The following METTL15 variants were observed in gnomAD, a reference collection of about 807,000 sequenced individuals.
The protein encoded by METTL15 is 12S rRNA N(4)-cytidine methyltransferase METTL15.
Under a neutral mutation model 38.3 loss-of-function variants are expected in METTL15, and 34 were observed. That is an observed-to-expected ratio of 0.89 (90% CI 0.68 to 1.18). The LOEUF (loss-of-function observed/expected upper bound fraction) is 1.18, where lower values mean the gene tolerates loss of function less well. Among genes scored for constraint, METTL15 ranks in the 50% most tolerant of loss-of-function variants. The pLI, the probability that METTL15 is intolerant of heterozygous loss-of-function variation, is 0.00. For synonymous variants in METTL15, 162 were observed against 170.9 expected, an observed-to-expected ratio of 0.95 and a Z score of 0.41; for missense variants, 438 against 498.4, an observed-to-expected ratio of 0.88 and a Z score of 1.15.
chr11:28,222,260 C>T (rs994763204), intron 4 of METTL15, among the ~76,000 whole-genome samples: 1 of 152,294 alleles, frequency 6.6e-6, no homozygotes, highest in Admixed American at 6.5e-5. Context: ...TGGCGGGCGC[C>T]CCTCCCCCAG....
chr11:28,452,251 CATT>C (rs1471439937), intron 6 of METTL15, among the ~76,000 whole-genome samples: 2 of 152,194 alleles, frequency 1.3e-5, no homozygotes, highest in African/African-American at 2.4e-5. Flanking sequence ...CTGAAAGAAA[CATT>C]ATATTCTGGT....
At chr11:28,204,077 AC>A (rs1025345457) in intron 3 of METTL15, among the ~76,000 whole-genome samples, 4 of 152,046 alleles carry the variant, frequency 2.6e-5, no homozygotes, top group African/African-American at 9.7e-5. Flanking sequence ...TAACATAGTT[AC>A]CTTGGGAGGC....
intron 4 of METTL15, among the ~76,000 whole-genome samples, chr11:28,245,495 A>G: frequency 6.6e-6 from 1 of 152,162 alleles, no homozygotes; most frequent in East Asian, 1.9e-4. Context: ...GATCATGAAA[A>G]AAAAAGTATC....
intron 4 of METTL15, among the ~76,000 whole-genome samples, chr11:28,216,950 C>T (rs572565506): frequency 0.014 from 2,142 of 151,952 alleles, 24 homozygotes; most frequent in African/African-American, 0.039. Context: ...TTTTCTTAAT[C>T]CAGTCTATCA....
intron 6 of METTL15, among the ~76,000 whole-genome samples, chr11:28,476,550 G>T (rs1590387916): frequency 6.6e-6 from 1 of 152,168 alleles, no homozygotes; most frequent in South Asian, 2.1e-4. Context: ...GACCTTAGAG[G>T]CTTATTTATT....
chr11:28,445,234 T>G (rs1380718944), intron 6 of METTL15, among the ~76,000 whole-genome samples: 1 of 152,192 alleles, frequency 6.6e-6, no homozygotes, highest in Non-Finnish European at 1.5e-5. Flanking sequence ...TTGAAATCAT[T>G]TCTAATGTAT....
chr11:28,466,729 A>C (rs1160742146), intron 6 of METTL15, among the ~76,000 whole-genome samples: 1 of 151,846 alleles, frequency 6.6e-6, no homozygotes, highest in Non-Finnish European at 1.5e-5. Flanking sequence ...GCAAATTGTT[A>C]CTCCTCTGCT....
intron 6 of METTL15, among the ~76,000 whole-genome samples, chr11:28,318,364 T>TA (rs1849343415): frequency 6.6e-6 from 1 of 151,872 alleles, no homozygotes; most frequent in African/African-American, 2.4e-5. Context: ...ATAATTTGAT[T>TA]TTATATATAT....
At chr11:28,169,230 CA>C (rs369477145) in intron 3 of METTL15, among the ~76,000 whole-genome samples, 101 of 152,110 alleles carry the variant, frequency 6.6e-4, no homozygotes, top group African/African-American at 2.3e-3. Context: ...ATTCTGTATT[CA>C]AAAAACTAGA....
chr11:28,185,343 A>G (rs563549774), intron 3 of METTL15, among the ~76,000 whole-genome samples: 12 of 151,622 alleles, frequency 7.9e-5, no homozygotes, highest in African/African-American at 2.7e-4. Flanking sequence ...TTTGGGTTCA[A>G]ATCCCAGCCC....
chr11:28,499,255 G>A (rs1413727810), intron 6 of METTL15, among the ~76,000 whole-genome samples: 3 of 151,976 alleles, frequency 2.0e-5, no homozygotes, highest in Non-Finnish European at 4.4e-5. Context: ...GATCACAAAG[G>A]GTAATAGTGC....
At chr11:28,384,948 A>G (rs1367690537) in intron 5 of METTL15, among the ~76,000 whole-genome samples, 1 of 152,132 alleles carries the variant, frequency 6.6e-6, no homozygotes, top group East Asian at 1.9e-4. Context: ...CTTCTTTTGA[A>G]AAGTATCAAT....
In METTL15 at chr11:28,314,983, A is replaced by C. The variant is rs554029108; in HGVS notation, c.779-15413A>C. Among the ~76,000 whole-genome samples, 5 of 152,296 alleles carry C rather than the reference A, an allele frequency of 3.3e-5. No individual in the cohort carries two copies. In the South Asian group the frequency reaches 1.0e-3, roughly 32 times the overall value. On this transcript the variant is annotated intron_variant, in intron 6 of 6. Transcript: ENST00000407364. ...GCCATGTGGAACTGTAAGTCCAATT[A>C]AACCTCTTTCTTCTGTAATTGGCCC...
intron 3 of METTL15, among the ~76,000 whole-genome samples, chr11:28,159,129 A>G (rs1347637595): frequency 6.6e-6 from 1 of 152,124 alleles, no homozygotes; most frequent in East Asian, 1.9e-4. Context: ...AGACACAAAA[A>G]TTCCATTAAA....
chr11:28,440,666 T>A (rs1197758374), intron 6 of METTL15, among the ~76,000 whole-genome samples: 1 of 152,218 alleles, frequency 6.6e-6, no homozygotes, highest in African/African-American at 2.4e-5. Flanking sequence ...AAGTGCTCAA[T>A]TCATTGCCTG....
intron 3 of METTL15, among the ~76,000 whole-genome samples, chr11:28,178,134 A>G (rs994341685): frequency 6.6e-6 from 1 of 151,900 alleles, no homozygotes; most frequent in Non-Finnish European, 1.5e-5. Flanking sequence ...CAGACATTCT[A>G]CTGAGAAGTT....
chr11:28,411,750 C>T (rs1038631223), intron 5 of METTL15, among the ~76,000 whole-genome samples: 1 of 151,852 alleles, frequency 6.6e-6, no homozygotes, highest in Admixed American at 6.6e-5. Context: ...AATGGGACTA[C>T]ATTAAACTAA....
At chr11:28,263,295 A>C (rs990860236) in intron 4 of METTL15, among the ~76,000 whole-genome samples, 3 of 152,216 alleles carry the variant, frequency 2.0e-5, no homozygotes, top group African/African-American at 7.2e-5. Context: ...TAATAATATA[A>C]AATGAGACTC....
intron 3 of METTL15, among the ~76,000 whole-genome samples, chr11:28,190,806 C>T (rs1026115867): frequency 1.3e-5 from 2 of 151,130 alleles, no homozygotes; most frequent in Non-Finnish European, 3.0e-5. Flanking sequence ...AAAATGTTAG[C>T]AAAATTAACT....
Sources: gnomAD v4.1 joint callset for allele counts (sites outside exome capture counted in the v4.1 genomes callset) on GRCh38, gnomAD v4.1.1 for gene constraint, MANE v1.5 for transcripts, NCBI Gene and HGNC (gene_info 2026-07-23, HGNC 2026-07-21) for gene names.